The following DPP10 variants were observed in gnomAD, a reference collection of about 807,000 sequenced individuals.
DPP10 encodes the protein inactive dipeptidyl peptidase 10.
A neutral mutation model predicts 120.9 loss-of-function variants in DPP10; 33 were observed. The ratio of observed to expected loss-of-function variants is 0.27; its 90% CI spans 0.21 to 0.37. The LOEUF (loss-of-function observed/expected upper bound fraction) is 0.37, where lower values mean the gene tolerates loss of function less well. DPP10 is among the 10% of genes least tolerant of loss of function. The pLI is 1.00. For missense variants in DPP10, 816 were observed against 942.8 expected (o/e 0.87, Z 1.76); for synonymous variants, 337 against 326.1 (o/e 1.03, Z -0.36).
chr2:115,268,384 C>T (rs1471258816), intron 1 of DPP10, among the ~76,000 whole-genome samples: 1 of 152,160 alleles, frequency 6.6e-6, no homozygotes, highest in Non-Finnish European at 1.5e-5. Flanking sequence ...TTTCTGCAAA[C>T]CTTGAACAAT....
At chr2:114,674,937 C>T (rs1424355670) in intron 1 of DPP10, among the ~76,000 whole-genome samples, 1 of 152,158 alleles carries the variant, frequency 6.6e-6, no homozygotes, top group Admixed American at 6.5e-5. Flanking sequence ...AAAAACATAT[C>T]TCACTTTTTT....
At chr2:115,197,679 C>T (rs563811310) in intron 1 of DPP10, among the ~76,000 whole-genome samples, 1 of 152,138 alleles carries the variant, frequency 6.6e-6, no homozygotes, top group Non-Finnish European at 1.5e-5. Flanking sequence ...TAATAGATGA[C>T]TTTATCTGGG....
intron 3 of DPP10, among the ~76,000 whole-genome samples, chr2:115,365,854 C>A (rs959901974): frequency 6.6e-6 from 1 of 151,702 alleles, no homozygotes; most frequent in Non-Finnish European, 1.5e-5. Context: ...TAAATGAATC[C>A]TGGGATGACT....
At chr2:115,003,970 T>C (rs1050416799) in intron 1 of DPP10, among the ~76,000 whole-genome samples, 1 of 152,242 alleles carries the variant, frequency 6.6e-6, no homozygotes, top group African/African-American at 2.4e-5. Context: ...TATACATATG[T>C]AGTTATTAGT....
chr2:115,578,269 G>A (rs1323249491), intron 5 of DPP10, among the ~76,000 whole-genome samples: 1 of 152,110 alleles, frequency 6.6e-6, no homozygotes, highest in Non-Finnish European at 1.5e-5. Flanking sequence ...CATTTGAAAT[G>A]TAGAAGTTGA....
chr2:115,408,748 T>C (rs1244227026), intron 3 of DPP10, among the ~76,000 whole-genome samples: 1 of 152,062 alleles, frequency 6.6e-6, no homozygotes, highest in Non-Finnish European at 1.5e-5. Context: ...TTGAGAGATA[T>C]TAAAAAAATC....
chr2:114,710,668 C>A (rs1700967987), intron 1 of DPP10, among the ~76,000 whole-genome samples: 1 of 152,106 alleles, frequency 6.6e-6, no homozygotes. Context: ...TCCCATGAAC[C>A]CAGGAGACGG....
chr2:115,099,195 T>A (rs1216488907), intron 1 of DPP10, among the ~76,000 whole-genome samples: 1 of 150,280 alleles, frequency 6.7e-6, no homozygotes, highest in Admixed American at 6.6e-5. Flanking sequence ...GTGCCTGTAA[T>A]CCCAGCTACT....
chr2:115,836,887 A>C (rs919935831), intron 24 of DPP10, 141 bp downstream of exon 24: 1 of 688,294 alleles, frequency 1.5e-6, no homozygotes, highest in African/African-American at 1.8e-5. Flanking sequence ...GATACATGAT[A>C]GAAGGTGGGA....
chr2:115,236,069 AC>A (rs1156521117), intron 1 of DPP10, among the ~76,000 whole-genome samples: 2 of 151,664 alleles, frequency 1.3e-5, no homozygotes, highest in African/African-American at 4.9e-5. Context: ...ACCTATACAT[AC>A]TCCCCCTCCA....
chr2:115,765,241 G>T (rs1680577744), intron 12 of DPP10, among the ~76,000 whole-genome samples: 1 of 152,016 alleles, frequency 6.6e-6, no homozygotes, highest in African/African-American at 2.4e-5. Context: ...CAATGTAAAT[G>T]GAAGAATGCT....
intron 5 of DPP10, among the ~76,000 whole-genome samples, chr2:115,582,354 T>C (rs1394979867): frequency 6.6e-6 from 1 of 152,182 alleles, no homozygotes; most frequent in East Asian, 1.9e-4. Context: ...CCATTTTGCC[T>C]GTTACTGCAC....
At position 115,746,131 on chromosome 2, in the gene DPP10, T is replaced by C; in HGVS notation, c.898T>C (p.Tyr300His). Residue 300 changes from tyrosine (Y) to histidine (H), a missense_variant, in exon 10 of 26, where the codon TAT (tyrosine) becomes CAT (histidine). Tyr to His is a moderately conservative substitution (Grantham distance 83, BLOSUM62 2). Around this residue, in one of 3 missense-constraint regions of DPP10, gnomAD observed 592 missense variants for 649.0 expected, o/e 0.91. Coordinates refer to ENST00000410059, the MANE Select transcript of DPP10 (RefSeq NM_020868.6). ...AATAAAATTATATGTTGTAAACCTG[T>C]ATGGACCAACTCACACTTTGGAGCT... ...PTIKLYVVNL[Y>H]GPTHTLELMP... is the part of the protein sequence containing the mutation. The C allele has an allele frequency of 1.2e-6, 2 of 1,612,568 alleles. No individual in the cohort carries two copies. The highest frequency in any genetic ancestry group is 2.2e-5 in the East Asian group (1 of 44,802).
rs183093585 is a variant in DPP10, at chr2:115,477,416, A to G, written c.272-22094A>G. 1.3e-3 allele frequency among the ~76,000 whole-genome samples: 192 copies of G among 152,278 alleles called. 1 individual carries two copies. Among genetic ancestry groups the G allele is most frequent in the African/African-American group, 4.5e-3 (189 of 41,568 alleles). Reference sequence around the variant, plus strand: ...AAACAGTTCTATTTGTAGTAGCACCAAAAGGATTAAAATATTTAAGAATTT... The same window carrying G: ...AAACAGTTCTATTTGTAGTAGCACCGAAAGGATTAAAATATTTAAGAATTT... On this transcript the variant is annotated intron_variant, in intron 3 of 25. Transcript: ENST00000410059.
At chr2:115,560,722 A>C (rs1468191913) in intron 5 of DPP10, among the ~76,000 whole-genome samples, 1 of 151,728 alleles carries the variant, frequency 6.6e-6, no homozygotes, top group Admixed American at 6.6e-5. Context: ...TCAAGCTAGC[A>C]AAGTGATACT....
chr2:114,762,321 C>T (rs761257910), intron 1 of DPP10, among the ~76,000 whole-genome samples: 25 of 152,156 alleles, frequency 1.6e-4, no homozygotes, highest in Non-Finnish European at 2.9e-4. Context: ...CCTATCTAAC[C>T]TCTAAAAGAG....
At chr2:115,080,995 T>C (rs1158557533) in intron 1 of DPP10, among the ~76,000 whole-genome samples, 1 of 152,244 alleles carries the variant, frequency 6.6e-6, no homozygotes, top group African/African-American at 2.4e-5. Flanking sequence ...AAATTCTTGC[T>C]CCTTTGAGGG....
chr2:115,295,855 T>C (rs2060862080), intron 1 of DPP10, among the ~76,000 whole-genome samples: 1 of 152,106 alleles, frequency 6.6e-6, no homozygotes, highest in African/African-American at 2.4e-5. Context: ...AAAGTGATTA[T>C]ACCTTCTATT....
rs1313583986 is a variant in DPP10, at chr2:114,532,131, C to T, written c.60+89293C>T. On this transcript the variant is annotated intron_variant, in intron 1 of 25. Transcript: ENST00000410059. ...ATATATGCCATCATTTCTCTCAATT[C>T]TCAGGCCTTCAGACTCAGACTGAGT... is the stretch of plus-strand genomic sequence containing the variant. Among the ~76,000 whole-genome samples, 8 of 151,286 alleles carry T rather than the reference C, an allele frequency of 5.3e-5. No homozygotes were observed. In the East Asian group the frequency reaches 1.6e-3, roughly 29 times the overall value.
Sources: allele counts gnomAD v4.1 joint callset (sites outside exome capture counted in the v4.1 genomes callset), GRCh38; gene constraint gnomAD v4.1.1; regional missense constraint gnomAD v4.1.1; transcripts MANE v1.5; gene names NCBI Gene and HGNC (gene_info 2026-07-23, HGNC 2026-07-21).